The following MAPRE1 variants were observed in gnomAD, a reference collection of about 807,000 sequenced individuals.
The protein encoded by MAPRE1 is microtubule-associated protein RP/EB family member 1.
In MAPRE1, 5 loss-of-function variants were observed where a neutral mutation model predicts 32.1. That is an observed-to-expected ratio of 0.16 (90% CI 0.08 to 0.33). The LOEUF is 0.33. MAPRE1 is among the 10% of genes least tolerant of loss of function. The probability of loss-of-function intolerance (pLI) is 1.00; values close to 1 mark genes in which losing one functional copy is unlikely to be tolerated. For missense variants in MAPRE1, 209 were observed against 327.2 expected, an observed-to-expected ratio of 0.64 and a Z score of 2.79; for synonymous variants, 122 against 118.9, an observed-to-expected ratio of 1.03 and a Z score of -0.17.
intron 4 of MAPRE1, among the ~76,000 whole-genome samples, chr20:32,838,074 C>T (rs577912862): frequency 3.9e-5 from 6 of 152,254 alleles, no homozygotes; most frequent in East Asian, 3.9e-4. Flanking sequence ...GAGAGACAGA[C>T]GCTGTCTCAA....
intron 5 of MAPRE1, among the ~76,000 whole-genome samples, chr20:32,841,906 G>C (rs1410614544): frequency 6.6e-6 from 1 of 152,020 alleles, no homozygotes; most frequent in Non-Finnish European, 1.5e-5. Flanking sequence ...ATACCACTGG[G>C]ATAAATGTCA....
chr20:32,842,109 G>A (rs147629080), intron 5 of MAPRE1, among the ~76,000 whole-genome samples: 5,355 of 150,822 alleles, frequency 0.036, 298 homozygotes, highest in African/African-American at 0.12. Flanking sequence ...TTTTTGACAC[G>A]GAATCTCACT....
At chr20:32,830,667 A>G (rs571772955) in intron 2 of MAPRE1, among the ~76,000 whole-genome samples, 60 of 152,044 alleles carry the variant, frequency 3.9e-4, no homozygotes, top group African/African-American at 1.3e-3. Flanking sequence ...GTTATATTGC[A>G]TAAGTCTGCA....
chr20:32,823,464 G>T (rs1433923032), intron 1 of MAPRE1, among the ~76,000 whole-genome samples: 2 of 152,228 alleles, frequency 1.3e-5, no homozygotes, highest in African/African-American at 4.8e-5. Flanking sequence ...GTATTTCATA[G>T]TGTGTCCTCA....
In MAPRE1 at chr20:32,833,804, A is replaced by T; in HGVS notation, c.209A>T (p.Glu70Val). The change falls in exon 3 of 7, where the codon GAG (glutamate) becomes GTG (valine). Residue 70 changes from glutamate to valine, a missense_variant. Coordinates refer to ENST00000375571, the MANE Select transcript of MAPRE1 (RefSeq NM_012325.3). Reference protein sequence around the residue: ...KVKFQAKLEHEYIQNFKILQA... With the variant: ...KVKFQAKLEHVYIQNFKILQA... ...AAATTCCAAGCTAAGCTAGAACACG[A>T]GTACATCCAGAACTTCAAAATACTA... 1 of 1,614,120 alleles carries T rather than the reference A, an allele frequency of 6.2e-7. No homozygotes were observed. Among genetic ancestry groups the T allele is most frequent in the Non-Finnish European group, 8.5e-7 (1 of 1,179,960 alleles).
intron 1 of MAPRE1, among the ~76,000 whole-genome samples, chr20:32,820,487 C>A (rs1460652153): frequency 6.6e-6 from 1 of 152,084 alleles, no homozygotes; most frequent in Non-Finnish European, 1.5e-5. Flanking sequence ...TGGACAGGTG[C>A]TTTAACCGCT....
intron 4 of MAPRE1, among the ~76,000 whole-genome samples, chr20:32,837,679 A>G (rs957244561): frequency 1.3e-5 from 2 of 152,214 alleles, no homozygotes; most frequent in African/African-American, 4.8e-5. Context: ...TTCGCATGCC[A>G]TATAATTATA....
At chr20:32,847,118 A>G (rs1311104368) in intron 6 of MAPRE1, among the ~76,000 whole-genome samples, 1 of 152,132 alleles carries the variant, frequency 6.6e-6, no homozygotes, top group African/African-American at 2.4e-5. Flanking sequence ...TGCTGCCTCC[A>G]TTTTATCAGG....
rs1218326308 is a variant in MAPRE1, at chr20:32,848,992, C to T, written c.*264C>T. The T allele has an allele frequency of 5.0e-5, 16 of 319,214 alleles. No homozygotes were observed. The highest frequency in any genetic ancestry group is 9.2e-5 in the Admixed American group (2 of 21,780). 19.8% of individuals were successfully genotyped at this position (319,214 alleles called of 1,614,324 possible). A position where few individuals can be genotyped will look rare whatever the true frequency, so the allele number is the denominator to read the frequency against. On this transcript the variant is annotated 3_prime_UTR_variant, in exon 7 of 7. Coordinates refer to ENST00000375571, the MANE Select transcript of MAPRE1 (RefSeq NM_012325.3). ...GAGGCTGACCGTGGGGCTCACCATG[C>T]GGATGCGGGTCACACTGAATGCTGG... is the stretch of plus-strand genomic sequence containing the variant.
chr20:32,825,332 T>C (rs1218314549), intron 1 of MAPRE1, among the ~76,000 whole-genome samples: 3 of 152,176 alleles, frequency 2.0e-5, no homozygotes, highest in South Asian at 2.1e-4. Context: ...GTGCCTCTTA[T>C]AGTTTAGAAT....
chr20:32,848,851 T>C lies in MAPRE1; in HGVS notation c.*123T>C. 1.3e-6 allele frequency: 1 copy of C among 756,588 alleles called. No homozygotes were observed. The highest frequency in any genetic ancestry group is 2.0e-6 in the Non-Finnish European group (1 of 488,650). 46.9% of individuals were successfully genotyped at this position (756,588 alleles called of 1,614,324 possible). ...TTTCTTTTCATAAGCAAAAAGTACC[T>C]CTTCTTAAAGTGCACTTTGCAGACG... On this transcript the variant is annotated 3_prime_UTR_variant, in exon 7 of 7. Coordinates refer to ENST00000375571, the MANE Select transcript of MAPRE1 (RefSeq NM_012325.3).
intron 2 of MAPRE1, among the ~76,000 whole-genome samples, chr20:32,829,981 G>A (rs1982973060): frequency 6.6e-6 from 1 of 152,138 alleles, no homozygotes. Flanking sequence ...TTGTCAGAAA[G>A]GGAGTACTGG....
intron 1 of MAPRE1, among the ~76,000 whole-genome samples, chr20:32,822,076 G>A (rs1982718397): frequency 6.6e-6 from 1 of 152,138 alleles, no homozygotes; most frequent in Admixed American, 6.5e-5. Context: ...TGGCTGCAGC[G>A]TTTGTGGAGC....
At chr20:32,824,251 A>G (rs1982781249) in intron 1 of MAPRE1, among the ~76,000 whole-genome samples, 1 of 152,218 alleles carries the variant, frequency 6.6e-6, no homozygotes, top group Non-Finnish European at 1.5e-5. Context: ...GCTAGTAAAC[A>G]TTTGTAGAAT....
At chr20:32,825,852 C>G (rs962220642) in intron 1 of MAPRE1, 73 bp from the exon 2 acceptor site, 1 of 1,334,574 alleles carries the variant, frequency 7.5e-7, no homozygotes, top group Non-Finnish European at 1.0e-6. Flanking sequence ...TTTGGTGACT[C>G]TCTAGGAAAC....
intron 5 of MAPRE1, among the ~76,000 whole-genome samples, chr20:32,843,778 G>C (rs992015646): frequency 1.3e-5 from 2 of 152,048 alleles, no homozygotes; most frequent in African/African-American, 4.8e-5. Flanking sequence ...CTGACTTGGG[G>C]CTTCTTAGGT....
intron 5 of MAPRE1, among the ~76,000 whole-genome samples, chr20:32,845,765 A>G (rs1310257393): frequency 1.3e-5 from 2 of 152,022 alleles, no homozygotes; most frequent in Non-Finnish European, 2.9e-5. Context: ...CGCGTGCGCC[A>G]CTCCACCTGA....
At chr20:32,845,019 GTATGTATGTA>G (rs1568883565) in intron 5 of MAPRE1, among the ~76,000 whole-genome samples, 1 of 151,796 alleles carries the variant, frequency 6.6e-6, no homozygotes, top group African/African-American at 2.4e-5. Context: ...ATGTATGTAT[GTATGTATGTA>G]TGTATGAATG....
At position 32,849,608 on chromosome 20, in the gene MAPRE1, T is replaced by C. The variant is rs1405705644; in HGVS notation, c.*880T>C. On this transcript the variant is annotated 3_prime_UTR_variant, in exon 7 of 7. Coordinates refer to ENST00000375571, the MANE Select transcript of MAPRE1 (RefSeq NM_012325.3). The stretch of plus-strand genomic sequence containing the variant: ...GGGGATTGTATCCCATTTTACTGTC[T>C]TTTAGGTTTACATTTACCACGTTTC... 1.3e-5 allele frequency: 2 copies of C among 152,652 alleles called. No homozygotes were observed. Among genetic ancestry groups the C allele is most frequent in the Admixed American group, 1.3e-4 (2 of 15,282 alleles). 9.5% of individuals were successfully genotyped at this position (152,652 alleles called of 1,614,324 possible).
Sources: allele counts gnomAD v4.1 joint callset (sites outside exome capture counted in the v4.1 genomes callset), GRCh38; gene constraint gnomAD v4.1.1; transcripts MANE v1.5; gene names NCBI Gene and HGNC (gene_info 2026-07-23, HGNC 2026-07-21).